DGKH: variants seen among roughly 807,000 people sequenced by gnomAD.
The protein encoded by DGKH is DAG kinase eta.
In DGKH, 90 loss-of-function variants were observed where a neutral mutation model predicts 159.3. The observed-to-expected ratio is 0.57, with a 90% CI of 0.48 to 0.67. DGKH has a LOEUF of 0.67. Ranked by LOEUF, DGKH falls within the 30% of genes least tolerant of loss-of-function variation. DGKH has a pLI of 0.00. For synonymous variants in DGKH, 536 were observed against 553.8 expected (o/e 0.97, Z 0.45); for missense variants, 1,181 against 1,506.1 (o/e 0.78, Z 3.57).
chr13:42,070,834 C>T, intron 1 of DGKH: 1 of 1,347,384 alleles, frequency 7.4e-7, no homozygotes, highest in Middle Eastern at 1.8e-4. Context: ...TTGGCTCCCA[C>T]TGGGACCAGG....
chr13:42,151,527 ACGTG>A (rs1566134561), intron 3 of DGKH, among the ~76,000 whole-genome samples: 48 of 92,278 alleles, frequency 5.2e-4, no homozygotes, highest in African/African-American at 1.5e-3. Flanking sequence ...ATATATATAC[ACGTG>A]TATATATATA....
intron 3 of DGKH, among the ~76,000 whole-genome samples, chr13:42,132,928 G>A (rs1011789101): frequency 6.6e-6 from 1 of 151,988 alleles, no homozygotes; most frequent in Admixed American, 6.6e-5. Context: ...CAGCACTTTG[G>A]GAGGCTGAGG....
chr13:42,046,972 G>A (rs1880829122), upstream of DGKH, among the ~76,000 whole-genome samples: 1 of 152,202 alleles, frequency 6.6e-6, no homozygotes, highest in Admixed American at 6.5e-5. Flanking sequence ...GACCAAACAG[G>A]TGGGAATGAA....
In DGKH at chr13:42,165,413, T is replaced by G; in HGVS notation, c.938T>G (p.Leu313Arg). The G allele has an allele frequency of 6.3e-7, 1 of 1,577,224 alleles. No homozygotes were observed. Residue 313 changes from leucine to arginine, a missense_variant, in exon 8 of 30, where the codon CTA (leucine) becomes CGA (arginine). This residue lies in a region of DGKH where 369 missense variants were observed against 519.4 expected (regional missense o/e 0.71). Transcript: ENST00000337343. ...GTATCTATCATACCTCCAATTGCAC[T>G]AAACAGCACCGATTCCGATGGTATG... ...CKVSIIPPIA[L>R]NSTDSDGFCR... is the part of the protein sequence containing the mutation.
intron 3 of DGKH, among the ~76,000 whole-genome samples, chr13:42,135,256 T>G (rs941069369): frequency 6.6e-6 from 1 of 151,868 alleles, no homozygotes; most frequent in Non-Finnish European, 1.5e-5. Flanking sequence ...CCCAACACTT[T>G]GGGAGGCCGA....
At chr13:42,146,227 T>G (rs570844829) in intron 3 of DGKH, among the ~76,000 whole-genome samples, 1 of 136,442 alleles carries the variant, frequency 7.3e-6, no homozygotes, top group Non-Finnish European at 1.5e-5. Flanking sequence ...TTTAGGAAAA[T>G]GTAGGATCTT....
intron 29 of DGKH, among the ~76,000 whole-genome samples, chr13:42,227,508 AAAT>A (rs1252660831): frequency 6.6e-6 from 1 of 152,170 alleles, no homozygotes; most frequent in Non-Finnish European, 1.5e-5. Context: ...CAAAAAATCT[AAAT>A]GTGACTGTAA....
chr13:42,194,675 T>G (rs1401247188), intron 16 of DGKH, among the ~76,000 whole-genome samples: 1 of 152,218 alleles, frequency 6.6e-6, no homozygotes, highest in African/African-American at 2.4e-5. Flanking sequence ...GACATCTATT[T>G]TCTACTGATA....
intron 3 of DGKH, among the ~76,000 whole-genome samples, chr13:42,153,463 A>T (rs1955968543): frequency 6.6e-6 from 1 of 152,234 alleles, no homozygotes; most frequent in Non-Finnish European, 1.5e-5. Flanking sequence ...TTTATCTCAT[A>T]TAAGGGAAGG....
At chr13:42,225,719 G>T (rs959040997) in intron 29 of DGKH, among the ~76,000 whole-genome samples, 1 of 150,320 alleles carries the variant, frequency 6.7e-6, no homozygotes, top group African/African-American at 2.4e-5. Flanking sequence ...GTTGCAGTGA[G>T]CTGAGATCAT....
At chr13:42,068,921 T>G in intron 1 of DGKH, 2 of 1,295,470 alleles carry the variant, frequency 1.5e-6, no homozygotes, top group Non-Finnish European at 1.1e-6. Context: ...GATAAATGTC[T>G]GCTGAGTGTT....
intron 3 of DGKH, among the ~76,000 whole-genome samples, chr13:42,137,733 A>G (rs1955430200): frequency 6.6e-6 from 1 of 152,234 alleles, no homozygotes; most frequent in Admixed American, 6.5e-5. Flanking sequence ...TGTACTTTAA[A>G]GAGAAATGTT....
intron 1 of DGKH, among the ~76,000 whole-genome samples, chr13:42,109,248 T>C (rs1212797498): frequency 6.6e-6 from 1 of 152,222 alleles, no homozygotes; most frequent in African/African-American, 2.4e-5. Flanking sequence ...GCAGATACTT[T>C]ACATGCATTG....
intron 29 of DGKH, among the ~76,000 whole-genome samples, chr13:42,228,601 TGAGAGA>T (rs71767540): frequency 7.1e-6 from 1 of 140,908 alleles, no homozygotes; most frequent in Non-Finnish European, 1.5e-5. Flanking sequence ...AAAGAGCCTT[TGAGAGA>T]GAGAGAGAGA....
chr13:42,220,645 A>G (rs944272500), intron 28 of DGKH, among the ~76,000 whole-genome samples: 2 of 152,256 alleles, frequency 1.3e-5, no homozygotes, highest in African/African-American at 2.4e-5. Flanking sequence ...AATAAAATGT[A>G]TAAGCAAATG....
chr13:42,099,760 G>A (rs1158688679), intron 1 of DGKH, among the ~76,000 whole-genome samples: 1 of 152,224 alleles, frequency 6.6e-6, no homozygotes, highest in Non-Finnish European at 1.5e-5. Context: ...GCGTGTGAAG[G>A]TGAAATGTGT....
intron 30 of DGKH, among the ~76,000 whole-genome samples, chr13:42,253,481 AAG>A (rs1449590846): frequency 1.3e-5 from 2 of 152,254 alleles, no homozygotes; most frequent in Non-Finnish European, 2.9e-5. Context: ...TATTTTATAA[AAG>A]AAATATTTCT....
At chr13:42,156,999 G>T (rs1956063301) in intron 5 of DGKH, among the ~76,000 whole-genome samples, 2 of 152,120 alleles carry the variant, frequency 1.3e-5, no homozygotes, top group African/African-American at 4.8e-5. Flanking sequence ...AATTAAATGA[G>T]GGAATACATA....
intron 7 of DGKH, among the ~76,000 whole-genome samples, chr13:42,164,579 T>C (rs978890895): frequency 6.6e-6 from 1 of 152,230 alleles, no homozygotes; most frequent in African/African-American, 2.4e-5. Context: ...CTGCTTTTAC[T>C]GGTTAAAACA....
Sources: gnomAD v4.1 joint callset for allele counts (sites outside exome capture counted in the v4.1 genomes callset) on GRCh38, gnomAD v4.1.1 for gene constraint, gnomAD v4.1.1 regional missense constraint, MANE v1.5 for transcripts, NCBI Gene and HGNC (gene_info 2026-07-23, HGNC 2026-07-21) for gene names.